UBL5: variants seen among roughly 807,000 people sequenced by gnomAD.
The protein encoded by UBL5 is ubiquitin like 5, also known as ubiquitin-like protein 5.
In UBL5, 13 loss-of-function variants were observed where a neutral mutation model predicts 11.7. The ratio of observed to expected loss-of-function variants is 1.11; its 90% CI spans 0.73 to 1.77. The LOEUF is 1.77. Ranked by LOEUF, UBL5 falls within the 40% of genes most tolerant of loss-of-function variation. The pLI is 0.00. For synonymous variants in UBL5, 28 were observed against 34.7 expected (o/e 0.81, Z 0.68); for missense variants, 58 against 92.3 (o/e 0.63, Z 1.52).
rs758215732 is a variant in UBL5, at chr19:9,830,005, A to G, written c.219A>G (p.Gln73=). Residue 73 remains glutamine (Q), a synonymous_variant, in exon 5 of 5, where the codon CAA becomes CAG. Transcript: ENST00000586895. The part of the protein sequence containing the change: ...HDGMNLELYY[Q] The stretch of plus-strand genomic sequence containing the variant: ...GGATGAACCTGGAGCTTTATTATCA[A>G]TAGATGAGAATCCTCATCTTCCTGC... The G allele has an allele frequency of 6.2e-7, 1 of 1,613,882 alleles. No individual in the cohort carries two copies. Among genetic ancestry groups the G allele is most frequent in the African/African-American group, 1.3e-5 (1 of 74,910 alleles).
intron 4 of UBL5, chr19:9,829,143 A>C: frequency 1.9e-6 from 1 of 513,404 alleles, no homozygotes; most frequent in Non-Finnish European, 3.5e-6. Context: ...ACTCAGGCAT[A>C]TCTATTGTGC....
In UBL5 at chr19:9,829,972, C is replaced by G; in HGVS notation, c.186C>G (p.Ile62Met). The change falls in exon 5 of 5, where the codon ATC becomes ATG. Residue 62 changes from isoleucine to methionine, a missense_variant. By Grantham distance (10) the Ile-to-Met change is conservative. Coordinates refer to ENST00000586895, the MANE Select transcript of UBL5 (RefSeq NM_001048241.3). ...KDHVSLGDYEIHDGMNLELYY... is the reference protein window; with the variant it reads ...KDHVSLGDYEMHDGMNLELYY... Reference sequence around the variant, plus strand: ...TTAACACCTTTCCTTCAGATGAAATCCACGATGGGATGAACCTGGAGCTTT... The same window carrying G: ...TTAACACCTTTCCTTCAGATGAAATGCACGATGGGATGAACCTGGAGCTTT... 3 of 1,614,100 alleles carry G rather than the reference C, an allele frequency of 1.9e-6. No homozygotes were observed. Among genetic ancestry groups the G allele is most frequent in the Non-Finnish European group, 2.5e-6 (3 of 1,179,996 alleles).
At chr19:9,828,565 C>T (rs1164103276) in intron 2 of UBL5, 27 bp from the exon 3 acceptor site, 3 of 1,613,998 alleles carry the variant, frequency 1.9e-6, no homozygotes, top group Middle Eastern at 1.6e-4. Context: ...CTACCGCTTC[C>T]ATTTGCCTTA....
intron 2 of UBL5, 48 bp from the exon 3 acceptor site, chr19:9,828,544 T>A (rs764111822): frequency 6.2e-7 from 1 of 1,612,998 alleles, no homozygotes; most frequent in South Asian, 1.1e-5. Context: ...TAGAATGTCC[T>A]CTTCCTCGTT....
chr19:9,828,506 T>C (rs2046037525), intron 2 of UBL5, 86 bp from the exon 3 acceptor site: 13 of 1,606,296 alleles, frequency 8.1e-6, no homozygotes, highest in Non-Finnish European at 1.1e-5. Context: ...AGGGGGCGGA[T>C]GGGGTCCTGG....
intron 4 of UBL5, 164 bp from the exon 5 acceptor site, chr19:9,829,801 A>AT: frequency 1.4e-6 from 1 of 699,232 alleles, no homozygotes; most frequent in Non-Finnish European, 2.4e-6. Context: ...CCAGCCAGAA[A>AT]TTCTTTTGTA....
chr19:9,828,414 G>A (rs758038908), intron 2 of UBL5, 21 bp downstream of exon 2: 3 of 1,614,048 alleles, frequency 1.9e-6, no homozygotes, highest in African/African-American at 1.3e-5. Flanking sequence ...GCAGCCGAGA[G>A]GCAGTGGTAC....
chr19:9,829,863 T>C, intron 4 of UBL5, 102 bp from the exon 5 acceptor site: 1 of 1,360,728 alleles, frequency 7.3e-7, no homozygotes, highest in Non-Finnish European at 1.0e-6. Flanking sequence ...TGGGCTTCCT[T>C]AGCCCTGGGC....
At position 9,828,335 on chromosome 19, in the gene UBL5, A is replaced by G; in HGVS notation, c.-3A>G. ...CCCCCCGCTTTGTGTAGCTCCAGCTAGGATGATCGAGGTTGTTTGCAACGA... is the reference window on the plus strand; with the variant it reads ...CCCCCCGCTTTGTGTAGCTCCAGCTGGGATGATCGAGGTTGTTTGCAACGA... On this transcript the variant is annotated 5_prime_UTR_variant, in exon 2 of 5. Transcript: ENST00000586895. 6.2e-7 allele frequency: 1 copy of G among 1,613,260 alleles called. No homozygotes were observed. Among genetic ancestry groups the G allele is most frequent in the Non-Finnish European group, 8.5e-7 (1 of 1,179,280 alleles).
At position 9,828,608 on chromosome 19, in the gene UBL5, G is replaced by C. The variant is rs1267621194; in HGVS notation, c.73G>C (p.Gly25Arg). 1 of 1,614,170 alleles carries C rather than the reference G, an allele frequency of 6.2e-7. No homozygotes were observed. The highest frequency in any genetic ancestry group is 1.6e-4 in the Middle Eastern group (1 of 6,062). ...RVKCNTDDTI[G>R]DLKKLIAAQT... is the part of the protein sequence containing the mutation. ...TGCGCCCAGCACGGATGATACCATC[G>C]GGGACCTTAAGAAGCTGATTGCAGC... Residue 25 changes from glycine (G) to arginine (R), a missense_variant, in exon 3 of 5, where the codon GGG (glycine) becomes CGG (arginine). Coordinates refer to ENST00000586895, the MANE Select transcript of UBL5 (RefSeq NM_001048241.3).
At chr19:9,828,993 G>A (rs1023170689) in intron 4 of UBL5, 119 bp downstream of exon 4, 1 of 968,748 alleles carries the variant, frequency 1.0e-6, no homozygotes. Flanking sequence ...CGTGGCACAT[G>A]GTGAGCACTT....
chr19:9,828,933 C>G, intron 4 of UBL5, 59 bp downstream of exon 4: 2 of 1,546,866 alleles, frequency 1.3e-6, no homozygotes, highest in Non-Finnish European at 1.8e-6. Context: ...GTTATCTGTT[C>G]AAAACTAAAG....
At position 9,828,028 on chromosome 19, in the gene UBL5, C is replaced by T. The variant is rs1298524282; in HGVS notation, c.-12+44C>T. On this transcript the variant is annotated intron_variant, in intron 1 of 4. Coordinates refer to ENST00000586895, the MANE Select transcript of UBL5 (RefSeq NM_001048241.3). ...GAGGCTCGGAGTCGGAGAAAGCTGTCGCGACCCAGCCACCCAGGGTCTGGG... is the reference window on the plus strand; with the variant it reads ...GAGGCTCGGAGTCGGAGAAAGCTGTTGCGACCCAGCCACCCAGGGTCTGGG... 14 of 491,952 alleles carry T rather than the reference C, an allele frequency of 2.8e-5. 1 individual carries two copies. The Admixed American group carries it at 5.0e-4, about 18-fold the overall frequency. 30.5% of individuals were successfully genotyped at this position (491,952 alleles called of 1,614,324 possible). A position where few individuals can be genotyped will look rare whatever the true frequency, so the allele number is the denominator to read the frequency against.
intron 1 of UBL5, 26 bp from the exon 2 acceptor site, chr19:9,828,301 T>G (rs1376432574): frequency 3.8e-6 from 6 of 1,597,588 alleles, no homozygotes; most frequent in Non-Finnish European, 5.1e-6. Context: ...CTTTGCTGCC[T>G]CCCACCCACC....
intron 1 of UBL5, 122 bp from the exon 2 acceptor site, chr19:9,828,205 G>T (rs1369234866): frequency 1.1e-6 from 1 of 928,826 alleles, no homozygotes; most frequent in Non-Finnish European, 1.7e-6. Context: ...CAGAACGGAA[G>T]GCTCAGTAAC....
chr19:9,828,573 T>A lies in UBL5; in HGVS notation c.57-19T>A, dbSNP rs746607694. On this transcript the variant is annotated intron_variant, in intron 2 of 4. Coordinates refer to ENST00000586895, the MANE Select transcript of UBL5 (RefSeq NM_001048241.3). ...CCTCGTTCTACCGCTTCCATTTGCC[T>A]TAACTGCTCTGCGCCCAGCACGGAT... The A allele has an allele frequency of 6.2e-7, 1 of 1,614,200 alleles. No homozygotes were observed. Among genetic ancestry groups the A allele is most frequent in the Non-Finnish European group, 8.5e-7 (1 of 1,180,018 alleles).
intron 4 of UBL5, 184 bp from the exon 5 acceptor site, chr19:9,829,781 G>A: frequency 1.6e-6 from 1 of 613,116 alleles, no homozygotes; most frequent in African/African-American, 1.8e-5. Context: ...ACAGGTGTGA[G>A]CCACTGCACC....
At position 9,827,941 on chromosome 19, in the gene UBL5, CG is replaced by C; in HGVS notation, c.-52del. On this transcript the variant is annotated 5_prime_UTR_variant, in exon 1 of 5. Transcript: ENST00000586895. ...TTAACTGCGACCGGGGTTCAGCGCT[CG>C]GGTGAGGAGCTGGTGGCGTCGGCAG... The C allele has an allele frequency of 3.5e-6, 1 of 289,604 alleles. No homozygotes were observed. The highest frequency in any genetic ancestry group is 6.7e-6 in the Non-Finnish European group (1 of 150,188). 17.9% of individuals were successfully genotyped at this position (289,604 alleles called of 1,614,324 possible).
In UBL5 at chr19:9,827,965, C is replaced by G; in HGVS notation, c.-31C>G. On this transcript the variant is annotated 5_prime_UTR_variant, in exon 1 of 5. Coordinates refer to ENST00000586895, the MANE Select transcript of UBL5 (RefSeq NM_001048241.3). Reference sequence around the variant, plus strand: ...TCGGGTGAGGAGCTGGTGGCGTCGGCAGGTTCGAGGCGATTCGAGGTGAGG... The same window carrying G: ...TCGGGTGAGGAGCTGGTGGCGTCGGGAGGTTCGAGGCGATTCGAGGTGAGG... 1 of 332,086 alleles carries G rather than the reference C, an allele frequency of 3.0e-6. No homozygotes were observed. The highest frequency in any genetic ancestry group is 3.6e-5 in the South Asian group (1 of 27,864). The allele number at this position is 332,086 out of a possible 1,614,324, so 20.6% of individuals were successfully genotyped here. A position where few individuals can be genotyped will look rare whatever the true frequency, so the allele number is the denominator to read the frequency against.
Sources: gnomAD v4.1 joint callset for allele counts on GRCh38, gnomAD v4.1.1 for gene constraint, MANE v1.5 for transcripts, NCBI Gene and HGNC (gene_info 2026-07-23, HGNC 2026-07-21) for gene names.